BTBD9: variants seen among roughly 807,000 people sequenced by gnomAD.
The protein encoded by BTBD9 is BTB/POZ domain-containing protein 9.
In BTBD9, 49 loss-of-function variants were observed where a neutral mutation model predicts 64.3. The observed-to-expected ratio is 0.76, with a 90% CI of 0.61 to 0.97. The LOEUF (loss-of-function observed/expected upper bound fraction) is 0.97. BTBD9 is among the 50% of genes least tolerant of loss of function. The pLI, the probability that BTBD9 is intolerant of heterozygous loss-of-function variation, is 0.00. For synonymous variants in BTBD9, 260 were observed against 274.7 expected (o/e 0.95, Z 0.53); for missense variants, 598 against 762.1 (o/e 0.78, Z 2.53).
intron 6 of BTBD9, among the ~76,000 whole-genome samples, chr6:38,395,318 C>T (rs1049040262): frequency 2.0e-5 from 3 of 152,042 alleles, no homozygotes; most frequent in Non-Finnish European, 4.4e-5. Context: ...CACCTATAGT[C>T]CCAGCTACTC....
intron 6 of BTBD9, among the ~76,000 whole-genome samples, chr6:38,487,622 A>G (rs1276883347): frequency 6.8e-6 from 1 of 147,992 alleles, no homozygotes; most frequent in Non-Finnish European, 1.5e-5. Context: ...AGAGAGAGAG[A>G]GAAGGAAGGA....
intron 7 of BTBD9, among the ~76,000 whole-genome samples, chr6:38,324,131 A>G (rs1302701793): frequency 1.3e-5 from 2 of 151,698 alleles, no homozygotes; most frequent in African/African-American, 2.4e-5. Flanking sequence ...TTTGTGTAAC[A>G]CTTAGTTCAA....
intron 9 of BTBD9, among the ~76,000 whole-genome samples, chr6:38,219,791 G>T (rs1763137356): frequency 6.6e-6 from 1 of 152,132 alleles, no homozygotes; most frequent in Admixed American, 6.5e-5. Context: ...GCAACATGAT[G>T]ACCTAAAATA....
At chr6:38,193,941 G>A in intron 9 of BTBD9, 1 of 947,960 alleles carries the variant, frequency 1.1e-6, no homozygotes, top group Non-Finnish European at 1.3e-6. Flanking sequence ...CATCTTGTGT[G>A]TAAAGTCTGT....
chr6:38,462,011 CCT>C (rs766941836), intron 6 of BTBD9, among the ~76,000 whole-genome samples: 18 of 152,036 alleles, frequency 1.2e-4, no homozygotes, highest in Non-Finnish European at 2.5e-4. Flanking sequence ...CCTTTTTCCC[CCT>C]GAGGTGTTTT....
intron 6 of BTBD9, among the ~76,000 whole-genome samples, chr6:38,413,327 G>A (rs1307835304): frequency 2.6e-5 from 4 of 152,200 alleles, no homozygotes; most frequent in Admixed American, 6.5e-5. Context: ...GTGAGGCAGC[G>A]GGGGCTGTGG....
Position 38,598,015 on chromosome 6 carries a change from C to A in BTBD9, c.80G>T (p.Gly27Val). 6.2e-7 allele frequency: 1 copy of A among 1,613,950 alleles called. No individual in the cohort carries two copies. The highest frequency in any genetic ancestry group is 8.5e-7 in the Non-Finnish European group (1 of 1,179,876). The change falls in exon 2 of 11, where the codon GGT becomes GTT. Residue 27 changes from glycine to valine, a missense_variant. Transcript: ENST00000481247. ...DHVHILSEHI[G>V]ALLIGEEYGD... ...ATATTCTTCCCCAATCAACAAGGCA[C>A]CAATATGTTCAGACAAAATGTGCAC... is the stretch of plus-strand genomic sequence containing the variant.
In BTBD9 at chr6:38,452,349, T is replaced by G. The variant is rs142962324; in HGVS notation, c.1155-107256A>C. On this transcript the variant is annotated intron_variant, in intron 6 of 10. Transcript: ENST00000481247. ...AATACAGTATACCACTATACTATGC[T>G]GTCTCTTAACAACATTAATAACTTC... 2.9e-3 allele frequency among the ~76,000 whole-genome samples: 442 copies of G among 152,256 alleles called. 2 individuals are homozygous for G. Among genetic ancestry groups the G allele is most frequent in the African/African-American group, 0.01 (425 of 41,572 alleles).
At position 38,188,193 on chromosome 6, in the gene BTBD9, G is replaced by C. The variant is rs556433871; in HGVS notation, c.1641+4326C>G. 4.6e-5 allele frequency among the ~76,000 whole-genome samples: 7 copies of C among 152,306 alleles called. No individual in the cohort carries two copies. In the East Asian group the frequency reaches 1.4e-3, roughly 29 times the overall value. On this transcript the variant is annotated intron_variant, in intron 10 of 10. Coordinates refer to ENST00000481247, the MANE Select transcript of BTBD9 (RefSeq NM_001099272.2). ...CAGCTGCCGGGGGTGTTTGGAGTTC[G>C]GGGCAGTTTCCATGGTCCCTGTTGC...
At chr6:38,551,730 T>C (rs1349742410) in intron 6 of BTBD9, among the ~76,000 whole-genome samples, 1 of 152,174 alleles carries the variant, frequency 6.6e-6, no homozygotes, top group African/African-American at 2.4e-5. Context: ...TTTCATGGTA[T>C]AGACAAGGAG....
At chr6:38,232,296 A>C (rs139223349) in intron 9 of BTBD9, among the ~76,000 whole-genome samples, 11,064 of 148,698 alleles carry the variant, frequency 0.074, 442 homozygotes, top group African/African-American at 0.094. Context: ...TTTTAGACGG[A>C]GTCTCGCTCT....
intron 9 of BTBD9, among the ~76,000 whole-genome samples, chr6:38,201,793 A>T (rs1582042344): frequency 6.6e-6 from 1 of 152,220 alleles, no homozygotes; most frequent in Non-Finnish European, 1.5e-5. Flanking sequence ...TCTATACACC[A>T]ATAATGAACT....
At chr6:38,620,198 G>C (rs1016362259) in intron 1 of BTBD9, among the ~76,000 whole-genome samples, 1 of 152,182 alleles carries the variant, frequency 6.6e-6, no homozygotes, top group African/African-American at 2.4e-5. Flanking sequence ...AAAACCAAAA[G>C]GTCAGTGGAG....
At chr6:38,309,711 T>C (rs750208227) in intron 7 of BTBD9, among the ~76,000 whole-genome samples, 10 of 151,952 alleles carry the variant, frequency 6.6e-5, no homozygotes, top group South Asian at 6.2e-4. Flanking sequence ...GCGCCCAGCC[T>C]ATTTAATAAT....
intron 9 of BTBD9, among the ~76,000 whole-genome samples, chr6:38,206,568 AT>A (rs1762661199): frequency 6.6e-6 from 1 of 151,952 alleles, no homozygotes; most frequent in African/African-American, 2.4e-5. Flanking sequence ...AAAACAAATG[AT>A]AAAAAAAAAA....
At chr6:38,518,306 C>A (rs960676950) in intron 6 of BTBD9, among the ~76,000 whole-genome samples, 5 of 152,158 alleles carry the variant, frequency 3.3e-5, no homozygotes, top group African/African-American at 1.2e-4. Flanking sequence ...CTCCTCCCAA[C>A]GTGAAAAGAG....
At chr6:38,341,154 A>C (rs1764082052) in intron 7 of BTBD9, among the ~76,000 whole-genome samples, 1 of 152,352 alleles carries the variant, frequency 6.6e-6, no homozygotes, top group African/African-American at 2.4e-5. Context: ...TATTTGCCTA[A>C]TATGGACCTT....
chr6:38,410,864 T>TA (rs1185761670), intron 6 of BTBD9, among the ~76,000 whole-genome samples: 8 of 152,136 alleles, frequency 5.3e-5, no homozygotes, highest in Non-Finnish European at 1.0e-4. Flanking sequence ...CCTGTCTCTA[T>TA]AAAAAATAAT....
chr6:38,569,129 G>A (rs900945471), intron 6 of BTBD9, among the ~76,000 whole-genome samples: 1 of 152,218 alleles, frequency 6.6e-6, no homozygotes, highest in African/African-American at 2.4e-5. Flanking sequence ...TTTGAGAGAA[G>A]GGTTTAGATT....
Sources: gnomAD v4.1 joint callset for allele counts (sites outside exome capture counted in the v4.1 genomes callset) on GRCh38, gnomAD v4.1.1 for gene constraint, MANE v1.5 for transcripts, NCBI Gene and HGNC (gene_info 2026-07-23, HGNC 2026-07-21) for gene names.